The following AR variants were observed in gnomAD, a reference collection of about 807,000 sequenced individuals.
AR encodes the protein dihydrotestosterone receptor.
Under a neutral mutation model 53.9 loss-of-function variants are expected in AR, and 8 were observed. That is an observed-to-expected ratio of 0.15 (90% confidence interval 0.09 to 0.27). AR has a LOEUF of 0.27. Among genes scored for constraint, AR ranks in the 10% least tolerant of loss-of-function variants. The probability of loss-of-function intolerance (pLI) is 1.00; values close to 1 mark genes in which losing one functional copy is unlikely to be tolerated. For missense variants in AR, 639 were observed against 742.5 expected (o/e 0.86, Z 1.62); for synonymous variants, 359 against 316.4 (o/e 1.13, Z -1.43).
Position 67,665,786 on chromosome X carries a change from G to A in AR, c.1769-20224G>A, listed in dbSNP as rs144449363. Among the ~76,000 whole-genome samples the A allele has an allele frequency of 4.5e-5, 5 of 111,941 alleles. No homozygotes were observed. In the East Asian group the frequency reaches 8.4e-4, roughly 19 times the overall value. On this transcript the variant is annotated intron_variant, in intron 2 of 7. Transcript: ENST00000374690. The stretch of plus-strand genomic sequence containing the variant: ...ATGATCAGTATGTTGCCTCAAGGAG[G>A]CCCTCACTGTTCTAGGAAATATAAT...
At chrX:67,723,180 G>A (rs1363458243) in intron 7 of AR, among the ~76,000 whole-genome samples, 196 bp downstream of exon 7, 1 of 110,245 alleles carries the variant, frequency 9.1e-6, no homozygotes, top group African/African-American at 3.3e-5. Flanking sequence ...TGTGAAAGGG[G>A]TGGAGGAGTT....
In AR at chrX:67,544,486, C is replaced by T. The variant is rs1929614589; in HGVS notation, c.-661C>T. On this transcript the variant is annotated 5_prime_UTR_variant, in exon 1 of 8. Coordinates refer to ENST00000374690, the MANE Select transcript of AR (RefSeq NM_000044.6). The stretch of plus-strand genomic sequence containing the variant: ...CCCCCGTCGGCCCAGCGCTGCCAGC[C>T]CGAGTTTGCAGAGAGGTAACTCCCT... The T allele has an allele frequency of 1.3e-5, 2 of 156,797 alleles. No individual in the cohort carries two copies. Among genetic ancestry groups the T allele is most frequent in the East Asian group, 1.8e-4 (2 of 11,156 alleles). The allele number at this position is 156,797 out of a possible 1,213,427, so 12.9% of individuals were successfully genotyped here.
chrX:67,546,261 C>T lies in AR; in HGVS notation c.1115C>T (p.Ala372Val), dbSNP rs746929441. Residue 372 changes from alanine to valine, a missense_variant, in exon 1 of 8, where the codon GCC becomes GTC. By Grantham distance (64) the Ala-to-Val change is moderately conservative. This residue lies in a region of AR where 423 missense variants were observed against 377.0 expected (regional missense o/e 1.12). Transcript: ENST00000374690. ...TACTACAACTTTCCACTGGCTCTGG[C>T]CGGACCGCCGCCCCCTCCGCCGCCT... is the stretch of plus-strand genomic sequence containing the variant. ...RDYYNFPLAL[A>V]GPPPPPPPPH... The T allele has an allele frequency of 8.3e-7, 1 of 1,207,448 alleles. No homozygotes were observed. The highest frequency in any genetic ancestry group is 3.0e-5 in the East Asian group (1 of 33,650).
At chrX:67,695,062 A>T (rs1214905519) in intron 3 of AR, 10 of 794,827 alleles carry the variant, frequency 1.3e-5, no homozygotes, top group Non-Finnish European at 1.3e-5. Context: ...GGGGCCAGGC[A>T]CTGACTCAGG....
intron 2 of AR, among the ~76,000 whole-genome samples, chrX:67,685,674 C>A (rs2075962233): frequency 9.0e-6 from 1 of 111,459 alleles, no homozygotes; most frequent in African/African-American, 3.3e-5. Context: ...ACAAGTTCCA[C>A]AATGGATCAT....
chrX:67,698,274 G>T (rs1346987386), intron 3 of AR, among the ~76,000 whole-genome samples: 1 of 112,313 alleles, frequency 8.9e-6, no homozygotes, highest in Non-Finnish European at 1.9e-5. Context: ...ATACAGTAAG[G>T]TCCCTTGACT....
chrX:67,568,846 G>C (rs1168267455), intron 1 of AR: 1 of 1,150,985 alleles, frequency 8.7e-7, no homozygotes, highest in Non-Finnish European at 1.2e-6. Flanking sequence ...TAGGTGCTGC[G>C]AGCAGAGAGG....
At chrX:67,684,193 G>A (rs1180946400) in intron 2 of AR, among the ~76,000 whole-genome samples, 1 of 111,856 alleles carries the variant, frequency 8.9e-6, no homozygotes, top group Non-Finnish European at 1.9e-5. Context: ...ACTAGAATTG[G>A]ATACAGGACC....
intron 2 of AR, among the ~76,000 whole-genome samples, chrX:67,647,627 C>G (rs1489196738): frequency 8.9e-6 from 1 of 112,143 alleles, no homozygotes; most frequent in African/African-American, 3.2e-5. Flanking sequence ...CCTGACTTTG[C>G]GAGTCCTAGA....
At chrX:67,567,053 G>C (rs1039180287) in intron 1 of AR, among the ~76,000 whole-genome samples, 1 of 110,907 alleles carries the variant, frequency 9.0e-6, no homozygotes, top group Non-Finnish European at 1.9e-5. Context: ...TGGCCTCCCT[G>C]CTGTTTTCAC....
chrX:67,607,323 C>T (rs749954152), intron 1 of AR, among the ~76,000 whole-genome samples: 45 of 111,759 alleles, frequency 4.0e-4, no homozygotes, highest in Middle Eastern at 4.6e-3. Context: ...CCACCGCGCC[C>T]GGCCCACACG....
intron 1 of AR, among the ~76,000 whole-genome samples, chrX:67,594,877 A>T (rs1172698089): frequency 9.0e-6 from 1 of 111,633 alleles, no homozygotes; most frequent in African/African-American, 3.3e-5. Context: ...TGAGCCCAGG[A>T]GGTTGAGGTT....
chrX:67,601,494 G>A (rs190169916), intron 1 of AR, among the ~76,000 whole-genome samples: 1 of 111,759 alleles, frequency 8.9e-6, no homozygotes, highest in Non-Finnish European at 1.9e-5. Context: ...TCTGATGCTT[G>A]AAATCCCCTT....
intron 4 of AR, 111 bp from the exon 5 acceptor site, chrX:67,717,367 G>T (rs2076117569): frequency 9.6e-7 from 1 of 1,038,597 alleles, no homozygotes; most frequent in Non-Finnish European, 1.3e-6. Context: ...GGTCCCTGGG[G>T]ATCCTTAGGG....
intron 3 of AR, among the ~76,000 whole-genome samples, chrX:67,701,495 A>C (rs572582060): frequency 1.8e-5 from 2 of 112,100 alleles, no homozygotes; most frequent in South Asian, 3.7e-4. Flanking sequence ...CTAACGTCGA[A>C]AGTCCCAAAA....
At chrX:67,616,659 C>G (rs1216389255) in intron 1 of AR, among the ~76,000 whole-genome samples, 1 of 111,429 alleles carries the variant, frequency 9.0e-6, no homozygotes, top group East Asian at 2.8e-4. Context: ...TTGCCATAAA[C>G]ACGACAACCC....
rs923708359 is a variant in AR at position 67,729,264 on chromosome X, G to T, written c.*5423G>T. On this transcript the variant is annotated 3_prime_UTR_variant, in exon 8 of 8. Transcript: ENST00000374690. ...TCTCTGTAGGTGCAGGTCCATTTCT[G>T]CCCACAGGTAGGGTGTTTTTCTTTG... The T allele has an allele frequency of 5.7e-6, 1 of 175,392 alleles. No homozygotes were observed. Among genetic ancestry groups the T allele is most frequent in the Non-Finnish European group, 1.1e-5 (1 of 91,405 alleles). The allele number at this position is 175,392 out of a possible 1,213,427, so 14.5% of individuals were successfully genotyped here. A position where few individuals can be genotyped will look rare whatever the true frequency, so the allele number is the denominator to read the frequency against.
At chrX:67,659,557 T>C (rs1033297682) in intron 2 of AR, among the ~76,000 whole-genome samples, 1 of 111,826 alleles carries the variant, frequency 8.9e-6, no homozygotes, top group African/African-American at 3.3e-5. Context: ...TCTTCATTTT[T>C]TATGGCTGCG....
At chrX:67,715,940 C>G (rs2076111261) in intron 4 of AR, among the ~76,000 whole-genome samples, 1 of 111,601 alleles carries the variant, frequency 9.0e-6, no homozygotes, top group Non-Finnish European at 1.9e-5. Context: ...TTTAAGCATC[C>G]AACTGTTTCA....
Sources: allele counts gnomAD v4.1 joint callset (sites outside exome capture counted in the v4.1 genomes callset), GRCh38; gene constraint gnomAD v4.1.1; regional missense constraint gnomAD v4.1.1; transcripts MANE v1.5; gene names NCBI Gene and HGNC (gene_info 2026-07-23, HGNC 2026-07-21).